Variants in ABCF2 observed in about 807,000 individuals in gnomAD.
ABCF2 encodes ATP binding cassette subfamily F member 2.
ABCF2 carries 37 observed loss-of-function variants against 76.9 expected under a neutral mutation model. The observed-to-expected ratio is 0.48, with a 90% CI of 0.37 to 0.63. The LOEUF (loss-of-function observed/expected upper bound fraction) is 0.63, where lower values mean the gene tolerates loss of function less well. ABCF2 is among the 30% of genes least tolerant of loss of function. The pLI is 0.00. For synonymous variants in ABCF2, 299 were observed against 283.7 expected (o/e 1.05, Z -0.54); for missense variants, 524 against 782.1 (o/e 0.67, Z 3.94).
rs112578736 is a variant in ABCF2, at chr7:151,223,660, A to G, written c.722+18T>C. The G allele has an allele frequency of 2.2e-3, 3,416 of 1,575,720 alleles. 28 individuals are homozygous for G. Among genetic ancestry groups the G allele is most frequent in the African/African-American group, 0.017 (1,250 of 74,142 alleles). On this transcript the variant is annotated intron_variant, in intron 5 of 14. Transcript: ENST00000287844. ...AGATGGGGGAGTTATGGGGGTAGGG[A>G]AGGAGGGAGGGACTCACCTGGCAAG...
intron 7 of ABCF2, 135 bp from the exon 8 acceptor site, chr7:151,219,294 G>A: frequency 1.3e-6 from 1 of 747,586 alleles, no homozygotes; most frequent in Non-Finnish European, 2.4e-6. Context: ...AAGAAGAGAG[G>A]ACGTGCATTA....
rs906284066 is a variant in ABCF2, at chr7:151,214,506, G to A, written c.1735-315C>T. On this transcript the variant is annotated intron_variant, in intron 14 of 14. Transcript: ENST00000287844. This position sits in a 1 kb window ranked among gnomAD's most constrained non-coding sequence, Gnocchi z 4.9. Reference sequence around the variant, plus strand: ...CTTCCCCAGAGCTTCAGAGGAATGAGCAACAACTTTTTCTCAAATGACTGT... The same window carrying A: ...CTTCCCCAGAGCTTCAGAGGAATGAACAACAACTTTTTCTCAAATGACTGT... Among the ~76,000 whole-genome samples, 5 of 152,202 alleles carry A rather than the reference G, an allele frequency of 3.3e-5. No homozygotes were observed. The highest frequency in any genetic ancestry group is 7.3e-5 in the Non-Finnish European group (5 of 68,036).
rs1279559786 is a variant in ABCF2 at position 151,212,079 on chromosome 7, CTG to C, written c.*1973_*1974del. On this transcript the variant is annotated 3_prime_UTR_variant, in exon 15 of 15. Coordinates refer to ENST00000287844, the MANE Select transcript of ABCF2 (RefSeq NM_007189.3). ...CATCTAATTTGTGTCCTGTATGGTT[CTG>C]TCTTACTGGCTTTCCAAGAAGATCA... 1 of 964,656 alleles carries C rather than the reference CTG, an allele frequency of 1.0e-6. No homozygotes were observed. The highest frequency in any genetic ancestry group is 5.3e-4 in the Middle Eastern group (1 of 1,878). 59.8% of individuals were successfully genotyped at this position (964,656 alleles called of 1,614,324 possible). A position where few individuals can be genotyped will look rare whatever the true frequency, so the allele number is the denominator to read the frequency against.
At position 151,224,768 on chromosome 7, in the gene ABCF2, G is replaced by A; in HGVS notation, c.367+8C>T. On this transcript the variant is annotated splice_region_variant and intron_variant, in intron 3 of 14. Transcript: ENST00000287844. Reference sequence around the variant, plus strand: ...AGATACCTCCCACCTCCCCTTCCAAGGCCTCACCAATTCCATTTAAACCAA... The same window carrying A: ...AGATACCTCCCACCTCCCCTTCCAAAGCCTCACCAATTCCATTTAAACCAA... The A allele has an allele frequency of 6.2e-7, 1 of 1,613,452 alleles. No homozygotes were observed. Among genetic ancestry groups the A allele is most frequent in the Non-Finnish European group, 8.5e-7 (1 of 1,179,390 alleles).
rs533841581 is a variant in ABCF2, at chr7:151,221,788, T to C, written c.819-108A>G. 3.9e-4 allele frequency: 310 copies of C among 789,802 alleles called. 2 individuals are homozygous for C. The highest frequency in any genetic ancestry group is 2.4e-3 in the South Asian group (160 of 66,134). The allele number at this position is 789,802 out of a possible 1,614,324, so 48.9% of individuals were successfully genotyped here. A position where few individuals can be genotyped will look rare whatever the true frequency, so the allele number is the denominator to read the frequency against. ...CTCATCCCTAAGCACCTTTTAGATG[T>C]GTTGTCCAATTCCTGGCTGTTAGCA... On this transcript the variant is annotated intron_variant, in intron 6 of 14. Transcript: ENST00000287844.
chr7:151,225,043 C>A, intron 2 of ABCF2, 55 bp from the exon 3 acceptor site: 2 of 1,514,196 alleles, frequency 1.3e-6, no homozygotes, highest in Non-Finnish European at 9.1e-7. Flanking sequence ...CGGCTCTCCA[C>A]AAAGGTCAAC....
rs1234903231 is a variant in ABCF2 at position 151,226,568 on chromosome 7, A to T, written c.-42-68T>A. On this transcript the variant is annotated intron_variant, in intron 1 of 14. Coordinates refer to ENST00000287844, the MANE Select transcript of ABCF2 (RefSeq NM_007189.3). ...AGTAAGAATGCCTGGGCCCTGCTCC[A>T]TCCCTCTCAGGAATCTTCGTATCAA... 9.4e-6 allele frequency: 11 copies of T among 1,173,746 alleles called. No individual in the cohort carries two copies. In the Admixed American group the frequency reaches 3.0e-4, roughly 32 times the overall value. 72.7% of individuals were successfully genotyped at this position (1,173,746 alleles called of 1,614,324 possible).
intron 1 of ABCF2, chr7:151,226,862 G>A (rs1584848663): frequency 1.2e-5 from 2 of 161,614 alleles, no homozygotes; most frequent in Admixed American, 1.3e-4. Flanking sequence ...CTCACTTTCC[G>A]GGCTTCCTCC....
At position 151,215,792 on chromosome 7, in the gene ABCF2, A is replaced by T; in HGVS notation, c.1402-60T>A. ...GGCATCCCGCTTCAAAATAAACCCT[A>T]CTAGGTAACTTCCTATTTCTATCCC... On this transcript the variant is annotated intron_variant, in intron 12 of 14. Transcript: ENST00000287844. This position sits in a 1 kb window ranked among gnomAD's most constrained non-coding sequence, Gnocchi z 4.6. 6.2e-7 allele frequency: 1 copy of T among 1,611,106 alleles called. No individual in the cohort carries two copies. The highest frequency in any genetic ancestry group is 8.5e-7 in the Non-Finnish European group (1 of 1,177,994).
chr7:151,217,134 A>G (rs560418782), intron 11 of ABCF2, among the ~76,000 whole-genome samples: 2 of 152,306 alleles, frequency 1.3e-5, no homozygotes, highest in East Asian at 3.9e-4. Context: ...ATCATTTTCC[A>G]ACCTGCTTAT....
At chr7:151,221,819 C>T in intron 6 of ABCF2, 139 bp from the exon 7 acceptor site, 1 of 667,734 alleles carries the variant, frequency 1.5e-6, no homozygotes, top group South Asian at 1.7e-5. Flanking sequence ...TAGCAAGCAC[C>T]TAAGCCACGA....
At position 151,213,223 on chromosome 7, in the gene ABCF2, T is replaced by TC. The variant is rs1324010247; in HGVS notation, c.*830dup. On this transcript the variant is annotated 3_prime_UTR_variant, in exon 15 of 15. Coordinates refer to ENST00000287844, the MANE Select transcript of ABCF2 (RefSeq NM_007189.3). ...GCTAGAAATGTTAACGTTCTTGGTC[T>TC]CCCCCAAAACCTATTGAACCAGAAA... is the stretch of plus-strand genomic sequence containing the variant. The TC allele has an allele frequency of 2.0e-6, 2 of 980,266 alleles. No homozygotes were observed. Among genetic ancestry groups the TC allele is most frequent in the African/African-American group, 3.5e-5 (2 of 57,074 alleles). The allele number at this position is 980,266 out of a possible 1,614,324, so 60.7% of individuals were successfully genotyped here.
Position 151,216,039 on chromosome 7 carries a change from A to G in ABCF2, c.1339-10T>C. The stretch of plus-strand genomic sequence containing the variant: ...CATCTGTGGGTAGTAGCTAGGAAGA[A>G]AAAAGTAGAAACGTAAGCATGAAAC... On this transcript the variant is annotated splice_polypyrimidine_tract_variant and intron_variant, in intron 11 of 14. Transcript: ENST00000287844. The G allele has an allele frequency of 6.2e-7, 1 of 1,613,228 alleles. No individual in the cohort carries two copies. Among genetic ancestry groups the G allele is most frequent in the Admixed American group, 1.7e-5 (1 of 60,030 alleles).
At chr7:151,223,234 G>T (rs904184829) in intron 5 of ABCF2, among the ~76,000 whole-genome samples, 1 of 152,022 alleles carries the variant, frequency 6.6e-6, no homozygotes, top group Admixed American at 6.5e-5. Context: ...ACTCTGGGGG[G>T]ATTATTGGGG....
intron 6 of ABCF2, among the ~76,000 whole-genome samples, chr7:151,222,308 G>A (rs75099288): frequency 6.7e-6 from 1 of 149,686 alleles, no homozygotes; most frequent in African/African-American, 2.5e-5. Flanking sequence ...AAAAAAAAAA[G>A]CTCATAAATT....
rs1018148779 is a variant in ABCF2, at chr7:151,226,474, G to A, written c.-16C>T. 7 of 1,611,410 alleles carry A rather than the reference G, an allele frequency of 4.3e-6. No homozygotes were observed. Among genetic ancestry groups the A allele is most frequent in the African/African-American group, 2.7e-5 (2 of 74,634 alleles). The stretch of plus-strand genomic sequence containing the variant: ...CGGAGGGCATGATGATGACCCACAG[G>A]GGTAGGTTACTGTTGTTTCAGGGAG... On this transcript the variant is annotated 5_prime_UTR_variant, in exon 2 of 15. Coordinates refer to ENST00000287844, the MANE Select transcript of ABCF2 (RefSeq NM_007189.3).
intron 11 of ABCF2, among the ~76,000 whole-genome samples, chr7:151,217,432 G>A (rs1252652074): frequency 6.6e-6 from 1 of 152,212 alleles, no homozygotes; most frequent in African/African-American, 2.4e-5. Flanking sequence ...CAATATTAAT[G>A]AAATGACATT....
chr7:151,216,113 G>C, intron 11 of ABCF2, 84 bp from the exon 12 acceptor site: 1 of 1,179,062 alleles, frequency 8.5e-7, no homozygotes, highest in South Asian at 1.2e-5. Context: ...ACAAACACAT[G>C]TTCACACTGA....
At chr7:151,226,278 C>G (rs763491166) in intron 2 of ABCF2, 27 bp downstream of exon 2, 2 of 1,609,424 alleles carry the variant, frequency 1.2e-6, no homozygotes, top group Non-Finnish European at 1.7e-6. Flanking sequence ...TAGCAACCAT[C>G]CCCAACTCAC....
Sources: allele counts gnomAD v4.1 joint callset (sites outside exome capture counted in the v4.1 genomes callset), GRCh38; gene constraint gnomAD v4.1.1; non-coding constraint Gnocchi (gnomAD v3.1); transcripts MANE v1.5; gene names NCBI Gene and HGNC (gene_info 2026-07-23, HGNC 2026-07-21).